CACNA2D1: variants seen among roughly 807,000 people sequenced by gnomAD.
CACNA2D1 encodes the protein voltage-dependent calcium channel subunit alpha-2/delta-1.
Under a neutral mutation model 171.5 loss-of-function variants are expected in CACNA2D1, and 53 were observed. That is an observed-to-expected ratio of 0.31 (90% confidence interval 0.25 to 0.39). The LOEUF is 0.39. Ranked by LOEUF, CACNA2D1 falls within the 10% of genes least tolerant of loss-of-function variation. CACNA2D1 has a pLI of 1.00. For missense variants in CACNA2D1, 903 were observed against 1,299.8 expected (o/e 0.69, Z 4.69); for synonymous variants, 442 against 443.1 (o/e 1.00, Z 0.03).
At chr7:82,415,310 G>T (rs1487605973) in intron 1 of CACNA2D1, among the ~76,000 whole-genome samples, 1 of 152,084 alleles carries the variant, frequency 6.6e-6, no homozygotes, top group Non-Finnish European at 1.5e-5. Context: ...GAGATGGGCG[G>T]ATCACCTGAG....
intron 3 of CACNA2D1, among the ~76,000 whole-genome samples, chr7:82,245,658 T>TCACACACA (rs1276289238): frequency 1.7e-5 from 1 of 60,182 alleles, no homozygotes. Context: ...TCTCTCTCTC[T>TCACACACA]CTCTCACACA....
At chr7:82,041,542 T>G (rs890202708) in intron 10 of CACNA2D1, among the ~76,000 whole-genome samples, 15 of 152,304 alleles carry the variant, frequency 9.8e-5, no homozygotes, top group African/African-American at 3.6e-4. Context: ...CCTGCACAGA[T>G]AGTAAGTCCT....
intron 7 of CACNA2D1, among the ~76,000 whole-genome samples, chr7:82,084,180 A>G (rs1370777488): frequency 6.6e-6 from 1 of 152,116 alleles, no homozygotes; most frequent in Non-Finnish European, 1.5e-5. Flanking sequence ...TTTATAATAC[A>G]TATTTATAAA....
intron 20 of CACNA2D1, among the ~76,000 whole-genome samples, chr7:81,993,904 A>G (rs1451593762): frequency 1.3e-5 from 2 of 152,108 alleles, no homozygotes; most frequent in Admixed American, 6.6e-5. Context: ...AGAATGTGCA[A>G]AAGTCTAAGC....
chr7:82,393,838 T>C (rs2129450983), intron 1 of CACNA2D1, among the ~76,000 whole-genome samples: 1 of 152,346 alleles, frequency 6.6e-6, no homozygotes, highest in Admixed American at 6.5e-5. Flanking sequence ...GTTACTGATA[T>C]ATATAATTTG....
intron 36 of CACNA2D1, among the ~76,000 whole-genome samples, chr7:81,961,137 CT>C (rs1794066923): frequency 6.6e-6 from 1 of 151,858 alleles, no homozygotes; most frequent in Admixed American, 6.6e-5. Context: ...ATAATCTTCC[CT>C]CCACCTCTAA....
Position 82,189,475 on chromosome 7 carries a change from G to C in CACNA2D1, c.295-18866C>G, listed in dbSNP as rs185481835. Among the ~76,000 whole-genome samples the C allele has an allele frequency of 1.5e-3, 228 of 151,874 alleles. 5 individuals carry two copies. Among genetic ancestry groups the C allele is most frequent in the Non-Finnish European group, 9.1e-4 (62 of 67,824 alleles). On this transcript the variant is annotated intron_variant, in intron 3 of 38. Transcript: ENST00000356860. Reference sequence around the variant, plus strand: ...CTGCTCTTAAATACAAATATCTATGGAAATAATCACGATGAGAAATTTTCT... The same window carrying C: ...CTGCTCTTAAATACAAATATCTATGCAAATAATCACGATGAGAAATTTTCT...
chr7:82,153,982 G>T (rs772351652), intron 4 of CACNA2D1, among the ~76,000 whole-genome samples: 2 of 152,172 alleles, frequency 1.3e-5, no homozygotes, highest in Non-Finnish European at 2.9e-5. Context: ...ATTAAATCTT[G>T]TGTTAAGCTT....
chr7:82,236,191 A>C (rs1201699522), intron 3 of CACNA2D1, among the ~76,000 whole-genome samples: 1 of 152,098 alleles, frequency 6.6e-6, no homozygotes, highest in Non-Finnish European at 1.5e-5. Flanking sequence ...ACTCGTAACA[A>C]GTTACCAATA....
chr7:82,425,440 C>T (rs1829084944), intron 1 of CACNA2D1, among the ~76,000 whole-genome samples: 1 of 152,000 alleles, frequency 6.6e-6, no homozygotes, highest in African/African-American at 2.4e-5. Flanking sequence ...TTGTTTTAAA[C>T]CATTCAGTTT....
intron 26 of CACNA2D1, 104 bp from the exon 27 acceptor site, chr7:81,970,841 A>C (rs890182889): frequency 1.2e-5 from 9 of 756,524 alleles, no homozygotes; most frequent in Admixed American, 1.8e-5. Flanking sequence ...AAGTAAAGGA[A>C]ATATATCAAT....
intron 1 of CACNA2D1, among the ~76,000 whole-genome samples, chr7:82,388,246 G>A (rs967036520): frequency 1.3e-5 from 2 of 151,958 alleles, no homozygotes; most frequent in East Asian, 1.9e-4. Flanking sequence ...AAATATTCTA[G>A]AAATTTTATT....
intron 1 of CACNA2D1, among the ~76,000 whole-genome samples, chr7:82,408,927 G>A (rs904249769): frequency 6.6e-6 from 1 of 152,118 alleles, no homozygotes; most frequent in Non-Finnish European, 1.5e-5. Flanking sequence ...GAGAAAAGAC[G>A]TGATGGGGAG....
chr7:82,390,937 A>G (rs1030657795), intron 1 of CACNA2D1, among the ~76,000 whole-genome samples: 2 of 152,194 alleles, frequency 1.3e-5, no homozygotes, highest in African/African-American at 2.4e-5. Context: ...GGCTCATGCT[A>G]TCTTGACATT....
chr7:81,974,822 T>C lies in CACNA2D1; in HGVS notation c.1956-270A>G, dbSNP rs78542628. Among the ~76,000 whole-genome samples the C allele has an allele frequency of 0.092, 14,024 of 151,898 alleles. 680 individuals carry two copies. Among genetic ancestry groups the C allele is most frequent in the Middle Eastern group, 0.2 (60 of 294 alleles). ...AGTTATACTATTATCATTGTATATC[T>C]TAGATTTAGGAGTCTCATATAGCAA... On this transcript the variant is annotated intron_variant, in intron 24 of 38. Coordinates refer to ENST00000356860, the MANE Select transcript of CACNA2D1 (RefSeq NM_000722.4).
intron 7 of CACNA2D1, among the ~76,000 whole-genome samples, chr7:82,070,038 T>C (rs35151000): frequency 0.43 from 64,867 of 151,892 alleles, 14,631 homozygotes; most frequent in African/African-American, 0.58. Flanking sequence ...AGATAATCAA[T>C]TGGGACTATT....
At chr7:82,405,834 A>G (rs1253703211) in intron 1 of CACNA2D1, among the ~76,000 whole-genome samples, 1 of 152,110 alleles carries the variant, frequency 6.6e-6, no homozygotes, top group Non-Finnish European at 1.5e-5. Flanking sequence ...ATTTTTGAGG[A>G]GCCCTGGCTC....
chr7:81,973,920 G>T (rs1280498651), intron 25 of CACNA2D1, among the ~76,000 whole-genome samples: 2 of 151,822 alleles, frequency 1.3e-5, no homozygotes, highest in Non-Finnish European at 2.9e-5. Context: ...ATTTTAATTT[G>T]ATTTACCTCA....
intron 3 of CACNA2D1, among the ~76,000 whole-genome samples, chr7:82,273,568 GC>G (rs1808918934): frequency 6.6e-6 from 1 of 152,024 alleles, no homozygotes; most frequent in South Asian, 2.1e-4. Flanking sequence ...GCACACTGAG[GC>G]CTTGAACTCC....
Sources: allele counts gnomAD v4.1 joint callset (sites outside exome capture counted in the v4.1 genomes callset), GRCh38; gene constraint gnomAD v4.1.1; transcripts MANE v1.5; gene names NCBI Gene and HGNC (gene_info 2026-07-23, HGNC 2026-07-21).